FRMPD1: variants seen among roughly 807,000 people sequenced by gnomAD.
The protein encoded by FRMPD1 is FERM and PDZ domain containing 1.
Under a neutral mutation model 117.8 loss-of-function variants are expected in FRMPD1, and 76 were observed. That is an observed-to-expected ratio of 0.65 (90% CI 0.54 to 0.78). The LOEUF (loss-of-function observed/expected upper bound fraction) is 0.78. Ranked by LOEUF, FRMPD1 falls within the 30% of genes least tolerant of loss-of-function variation. FRMPD1 has a pLI of 0.00. For synonymous variants in FRMPD1, 783 were observed against 770.4 expected (o/e 1.02, Z -0.27); for missense variants, 1,786 against 1,964.5 (o/e 0.91, Z 1.72).
intron 7 of FRMPD1, among the ~76,000 whole-genome samples, chr9:37,728,950 G>A (rs574392030): frequency 7.1e-5 from 10 of 141,790 alleles, no homozygotes; most frequent in East Asian, 2.1e-4. Flanking sequence ...GCGACAGAGC[G>A]AGATTCCGTC....
At position 37,729,446 on chromosome 9, in the gene FRMPD1, A is replaced by G. The variant is rs548755283; in HGVS notation, c.613-282A>G. Among the ~76,000 whole-genome samples, 17 of 146,544 alleles carry G rather than the reference A, an allele frequency of 1.2e-4. No individual in the cohort carries two copies. The South Asian group carries it at 3.6e-3, about 31-fold the overall frequency. On this transcript the variant is annotated intron_variant, in intron 7 of 15. Coordinates refer to ENST00000377765, the MANE Select transcript of FRMPD1 (RefSeq NM_014907.3). ...GGAACTCTAGAGAGAGAATAAGTCTAGGGACATAGGAGAGAGGCAGAAACC... is the reference window on the plus strand; with the variant it reads ...GGAACTCTAGAGAGAGAATAAGTCTGGGGACATAGGAGAGAGGCAGAAACC...
At chr9:37,723,149 T>G (rs983194894) in intron 6 of FRMPD1, among the ~76,000 whole-genome samples, 9 of 151,920 alleles carry the variant, frequency 5.9e-5, no homozygotes, top group Non-Finnish European at 1.3e-4. Context: ...AAAATGAGGG[T>G]AGGAGAGGCT....
the FRMPD1 span, among the ~76,000 whole-genome samples, chr9:37,621,568 G>A: frequency 3.9e-4 from 60 of 152,266 alleles, no homozygotes; most frequent in African/African-American, 1.3e-3. Flanking sequence ...TGCAGTTGGG[G>A]GCCCAGGGGA....
At chr9:37,651,851 C>T (rs1820686022) in intron 1 of FRMPD1, among the ~76,000 whole-genome samples, 3 of 152,380 alleles carry the variant, frequency 2.0e-5, no homozygotes, top group Admixed American at 1.3e-4. Flanking sequence ...CAGCTGTAAA[C>T]TCTGGAGAAG....
At chr9:37,725,338 T>C (rs1268358119) in intron 7 of FRMPD1, among the ~76,000 whole-genome samples, 3 of 152,210 alleles carry the variant, frequency 2.0e-5, no homozygotes, top group Non-Finnish European at 4.4e-5. Context: ...TGAGCCCAGC[T>C]CTTCTGGTAC....
intron 7 of FRMPD1, 78 bp downstream of exon 7, chr9:37,724,398 C>A: frequency 1.3e-6 from 1 of 744,388 alleles, no homozygotes; most frequent in South Asian, 1.5e-5. Flanking sequence ...TCTTGCCCTG[C>A]ATCTGCCTTG....
In FRMPD1 at chr9:37,746,066, G is replaced by T. The variant is rs778737300; in HGVS notation, c.4034G>T (p.Arg1345Leu). 1.1e-5 allele frequency: 17 copies of T among 1,614,194 alleles called. No homozygotes were observed. Among genetic ancestry groups the T allele is most frequent in the Admixed American group, 1.7e-5 (1 of 60,028 alleles). ...CAGTTCTCCTATGCCACATGCTTCC[G>T]TGGCCCGCAGCCTGAGACAGAGGAA... ...SCQFSYATCF[R>L]GPQPETEEED... The change falls in exon 16 of 16, where the codon CGT becomes CTT. Residue 1345 changes from arginine (R) to leucine (L), a missense_variant. Physicochemically the swap from Arg to Leu is moderately radical, Grantham distance 102. Coordinates refer to ENST00000377765, the MANE Select transcript of FRMPD1 (RefSeq NM_014907.3).
At position 37,698,549 on chromosome 9, in the gene FRMPD1, C is replaced by CTTTTT. The variant is rs531498194; in HGVS notation, c.101+5833_101+5837dup. Among the ~76,000 whole-genome samples, 91 of 74,602 alleles carry CTTTTT rather than the reference C, an allele frequency of 1.2e-3. 3 individuals are homozygous for CTTTTT. The highest frequency in any genetic ancestry group is 2.5e-3 in the African/African-American group (37 of 14,968). 48.9% of individuals were successfully genotyped at this position (74,602 alleles called of 152,430 possible). On this transcript the variant is annotated intron_variant, in intron 2 of 15. Coordinates refer to ENST00000377765, the MANE Select transcript of FRMPD1 (RefSeq NM_014907.3). ...ACAATAGTATTATGCATCTCATTAT[C>CTTTTT]TTTTTTTTTTTTTTTTTTTTTTTTT...
the FRMPD1 span, chr9:37,636,868 A>G: frequency 6.2e-7 from 1 of 1,610,820 alleles, no homozygotes; most frequent in Non-Finnish European, 8.5e-7. Flanking sequence ...GGATGCCCAA[A>G]GAGTCTGCAA....
At chr9:37,685,520 C>G (rs563036104) in intron 1 of FRMPD1, among the ~76,000 whole-genome samples, 1 of 151,706 alleles carries the variant, frequency 6.6e-6, no homozygotes, top group African/African-American at 2.4e-5. Flanking sequence ...GGCGTGGTGG[C>G]GGGCGCCTGT....
At chr9:37,709,942 C>G (rs1380949288) in intron 4 of FRMPD1, among the ~76,000 whole-genome samples, 1 of 152,216 alleles carries the variant, frequency 6.6e-6, no homozygotes, top group East Asian at 1.9e-4. Context: ...GTGTGCTGTG[C>G]ATCTGTACCC....
chr9:37,626,641 A>AAAAAAAAAAAAAAAAAAAAAAAAAAAC, the FRMPD1 span, among the ~76,000 whole-genome samples: 1 of 145,774 alleles, frequency 6.9e-6, no homozygotes, highest in Non-Finnish European at 1.5e-5. Context: ...AAAAAAAAAA[A>AAAAAAAAAAAAAAAAAAAAAAAAAAAC]AGCTGGAGGT....
intron 9 of FRMPD1, among the ~76,000 whole-genome samples, chr9:37,732,014 G>A (rs922493127): frequency 1.3e-5 from 2 of 152,092 alleles, no homozygotes; most frequent in Non-Finnish European, 2.9e-5. Context: ...CAATAACAAC[G>A]CCATCAATAC....
chr9:37,612,994 G>A, the FRMPD1 span, among the ~76,000 whole-genome samples: 11 of 152,292 alleles, frequency 7.2e-5, no homozygotes, highest in South Asian at 2.3e-3. Flanking sequence ...GAACTTTAAT[G>A]GCTAGAGCAG....
chr9:37,732,370 G>A lies in FRMPD1; in HGVS notation c.925G>A (p.Ala309Thr), dbSNP rs142759682. Reference sequence around the variant, plus strand: ...GAAATGTAGCTCTGCACTCCGACTCGCGGCTCTGCACATCCAGGAACGGAT... The same window carrying A: ...GAAATGTAGCTCTGCACTCCGACTCACGGCTCTGCACATCCAGGAACGGAT... ...EMKCSSALRL[A>T]ALHIQERIYA... The change falls in exon 10 of 16, where the codon GCG becomes ACG. Residue 309 changes from alanine to threonine, a missense_variant. Coordinates refer to ENST00000377765, the MANE Select transcript of FRMPD1 (RefSeq NM_014907.3). 498 of 1,613,860 alleles carry A rather than the reference G, an allele frequency of 3.1e-4. 1 individual carries two copies. In the East Asian group the frequency reaches 9.2e-3, roughly 30 times the overall value.
chr9:37,664,881 G>T (rs117607544), intron 1 of FRMPD1, among the ~76,000 whole-genome samples: 10 of 152,172 alleles, frequency 6.6e-5, no homozygotes, highest in Non-Finnish European at 1.3e-4. Context: ...TAGCTTTTGT[G>T]GGGGGCAATT....
chr9:37,712,929 C>T (rs1822965074), intron 5 of FRMPD1, among the ~76,000 whole-genome samples: 1 of 151,818 alleles, frequency 6.6e-6, no homozygotes, highest in Non-Finnish European at 1.5e-5. Context: ...AATACAAAAA[C>T]CTTAAGGGAA....
At chr9:37,678,526 G>A (rs1179207897) in intron 1 of FRMPD1, among the ~76,000 whole-genome samples, 1 of 152,074 alleles carries the variant, frequency 6.6e-6, no homozygotes, top group Non-Finnish European at 1.5e-5. Context: ...CTCCCAAAGT[G>A]CTGGGATTAC....
Position 37,740,207 on chromosome 9 carries a change from C to A in FRMPD1, c.1679C>A (p.Pro560His). The A allele has an allele frequency of 6.2e-7, 1 of 1,614,044 alleles. No individual in the cohort carries two copies. ...CRSLIKEEQP[P>H]GNSPTPEVAR... ...TCACTCATAAAGGAGGAGCAGCCTC[C>A]TGGGAACAGCCCCACACCTGAGGTG... The change falls in exon 15 of 16, where the codon CCT (proline) becomes CAT (histidine). Residue 560 changes from proline (P) to histidine (H), a missense_variant. Coordinates refer to ENST00000377765, the MANE Select transcript of FRMPD1 (RefSeq NM_014907.3). The surrounding 1 kb of genome is among the most constrained non-coding windows in gnomAD (Gnocchi z 4.2).
Sources: gnomAD v4.1 joint callset for allele counts (sites outside exome capture counted in the v4.1 genomes callset) on GRCh38, gnomAD v4.1.1 for gene constraint, Gnocchi (gnomAD v3.1) non-coding constraint, MANE v1.5 for transcripts, NCBI Gene and HGNC (gene_info 2026-07-23, HGNC 2026-07-21) for gene names.